TMC2: variants seen among roughly 807,000 people sequenced by gnomAD.
The protein encoded by TMC2 is transmembrane channel like 2.
TMC2 carries 102 observed loss-of-function variants against 105.9 expected under a neutral mutation model. That is an observed-to-expected ratio of 0.96 (90% CI 0.82 to 1.14). The LOEUF is 1.14. TMC2 is among the 50% of genes most tolerant of loss of function. TMC2 has a pLI of 0.00. For missense variants in TMC2, 1,093 were observed against 1,134.3 expected (o/e 0.96, Z 0.52); for synonymous variants, 402 against 422.8 (o/e 0.95, Z 0.60).
At chr20:2,561,044 G>A (rs1303750139) in intron 3 of TMC2, among the ~76,000 whole-genome samples, 1 of 152,178 alleles carries the variant, frequency 6.6e-6, no homozygotes, top group African/African-American at 2.4e-5. Flanking sequence ...CAGTGTGACT[G>A]AGCAACTGAA....
chr20:2,607,247 T>C (rs920563407), intron 11 of TMC2, among the ~76,000 whole-genome samples: 1 of 152,160 alleles, frequency 6.6e-6, no homozygotes, highest in Admixed American at 6.5e-5. Context: ...CCACTGTTTT[T>C]ATGAAGTCTT....
chr20:2,562,230 G>A (rs567750832), intron 4 of TMC2, among the ~76,000 whole-genome samples: 9 of 152,356 alleles, frequency 5.9e-5, no homozygotes, highest in African/African-American at 1.7e-4. Flanking sequence ...GAGGACTCCC[G>A]ACCTGTGCCC....
In TMC2 at chr20:2,539,202, C is replaced by A. The variant is rs907984288; in HGVS notation, c.82+1886C>A. Among the ~76,000 whole-genome samples, 3 of 152,290 alleles carry A rather than the reference C, an allele frequency of 2.0e-5. No individual in the cohort carries two copies. In the South Asian group the frequency reaches 6.2e-4, roughly 32 times the overall value. On this transcript the variant is annotated intron_variant, in intron 2 of 19. Coordinates refer to ENST00000358864, the MANE Select transcript of TMC2 (RefSeq NM_080751.3). The stretch of plus-strand genomic sequence containing the variant: ...GAGGCCTTCCTAGCAAGACAGCTGC[C>A]TTTCCAGTTCCTAAATTATGCATTA...
Position 2,610,426 on chromosome 20 carries a change from T to C in TMC2, c.1421T>C (p.Ile474Thr). 4 of 1,611,570 alleles carry C rather than the reference T, an allele frequency of 2.5e-6. No individual in the cohort carries two copies. The highest frequency in any genetic ancestry group is 3.4e-6 in the Non-Finnish European group (4 of 1,178,624). Residue 474 changes from isoleucine to threonine, a missense_variant, in exon 12 of 20, where the codon ATC becomes ACC. By Grantham distance (89) the Ile-to-Thr change is moderately conservative. Transcript: ENST00000358864. ...GCTTTCCTGATTCCTCAGGTAGAGATCGTGATGTCCCTGCTTGGAATGTTT... is the reference window on the plus strand; with the variant it reads ...GCTTTCCTGATTCCTCAGGTAGAGACCGTGATGTCCCTGCTTGGAATGTTT... ...VSWYERNEVE[I>T]VMSLLGMFCP...
intron 4 of TMC2, among the ~76,000 whole-genome samples, chr20:2,563,992 TA>T (rs1385349272): frequency 8.6e-5 from 13 of 152,038 alleles, no homozygotes; most frequent in African/African-American, 3.1e-4. Context: ...CTTCCCCAAG[TA>T]TTGTGATTAC....
intron 16 of TMC2, 49 bp downstream of exon 16, chr20:2,617,360 G>A (rs1201692075): frequency 1.2e-6 from 2 of 1,607,230 alleles, no homozygotes; most frequent in South Asian, 2.2e-5. Flanking sequence ...GAGGCAGTCT[G>A]CTCAGAGGGC....
At chr20:2,627,302 A>G (rs2086571593) in intron 17 of TMC2, among the ~76,000 whole-genome samples, 1 of 152,152 alleles carries the variant, frequency 6.6e-6, no homozygotes, top group Non-Finnish European at 1.5e-5. Flanking sequence ...CTTTTTCTCC[A>G]GTAGTACTGC....
chr20:2,550,132 G>A (rs1447043148), intron 2 of TMC2, among the ~76,000 whole-genome samples: 3 of 151,226 alleles, frequency 2.0e-5, no homozygotes, highest in Non-Finnish European at 4.4e-5. Context: ...GCAGTGAGCC[G>A]AGATCACACC....
intron 14 of TMC2, 58 bp downstream of exon 14, chr20:2,613,380 A>T: frequency 6.2e-7 from 1 of 1,607,624 alleles, no homozygotes. Context: ...CTTCTTTGAT[A>T]CTTATAGCCA....
chr20:2,608,585 C>A (rs1181546593), intron 11 of TMC2, among the ~76,000 whole-genome samples: 1 of 152,082 alleles, frequency 6.6e-6, no homozygotes, highest in Non-Finnish European at 1.5e-5. Context: ...GCCTCAGCCT[C>A]CCAAAGTGCT....
At chr20:2,581,843 T>C (rs1346214518) in intron 7 of TMC2, among the ~76,000 whole-genome samples, 1 of 152,238 alleles carries the variant, frequency 6.6e-6, no homozygotes, top group East Asian at 1.9e-4. Flanking sequence ...TGAGGGAACA[T>C]TTATTTTAAA....
chr20:2,643,501 T>C lies in TMC2; in HGVS notation c.*2150T>C, dbSNP rs190318925. ...AAGTGTAATTTTATGTGACGGAATGTATATGTCATCTAATGCTGCATAACA... is the reference window on the plus strand; with the variant it reads ...AAGTGTAATTTTATGTGACGGAATGCATATGTCATCTAATGCTGCATAACA... On this transcript the variant is annotated 3_prime_UTR_variant, in exon 20 of 20. Coordinates refer to ENST00000358864, the MANE Select transcript of TMC2 (RefSeq NM_080751.3). Among the ~76,000 whole-genome samples the C allele has an allele frequency of 6.6e-6, 1 of 152,366 alleles. No homozygotes were observed. Among genetic ancestry groups the C allele is most frequent in the African/African-American group, 2.4e-5 (1 of 41,588 alleles).
chr20:2,641,609 C>G lies in TMC2; in HGVS notation c.*258C>G, dbSNP rs563423801. 1.3e-5 allele frequency: 6 copies of G among 448,536 alleles called. No individual in the cohort carries two copies. The highest frequency in any genetic ancestry group is 3.9e-5 in the African/African-American group (2 of 51,316). The allele number at this position is 448,536 out of a possible 1,614,324, so 27.8% of individuals were successfully genotyped here. On this transcript the variant is annotated 3_prime_UTR_variant, in exon 20 of 20. Transcript: ENST00000358864. Reference sequence around the variant, plus strand: ...CCCAAATATCTTGGTTCAGACAGCTCTGAACCCCACGCTCACAGTGGTCGA... The same window carrying G: ...CCCAAATATCTTGGTTCAGACAGCTGTGAACCCCACGCTCACAGTGGTCGA...
chr20:2,579,137 T>C lies in TMC2; in HGVS notation c.646-9T>C. 6.6e-7 allele frequency: 1 copy of C among 1,523,588 alleles called. No homozygotes were observed. The allele number at this position is 1,523,588 out of a possible 1,614,324, so 94.4% of individuals were successfully genotyped here. A position where few individuals can be genotyped will look rare whatever the true frequency, so the allele number is the denominator to read the frequency against. ...TAAGGAACTGAGAGTTTTACGTCTTTTATTTCAGAAATGGGTCAAATTTAA... is the reference window on the plus strand; with the variant it reads ...TAAGGAACTGAGAGTTTTACGTCTTCTATTTCAGAAATGGGTCAAATTTAA... On this transcript the variant is annotated splice_polypyrimidine_tract_variant and intron_variant, in intron 5 of 19. Coordinates refer to ENST00000358864, the MANE Select transcript of TMC2 (RefSeq NM_080751.3).
chr20:2,591,269 G>A (rs2086265937), intron 7 of TMC2, among the ~76,000 whole-genome samples: 1 of 152,082 alleles, frequency 6.6e-6, no homozygotes, highest in Non-Finnish European at 1.5e-5. Flanking sequence ...AATACCTTAT[G>A]ACGTAGGAAA....
chr20:2,608,435 C>T (rs2086410899), intron 11 of TMC2, among the ~76,000 whole-genome samples: 1 of 151,866 alleles, frequency 6.6e-6, no homozygotes, highest in African/African-American at 2.4e-5. Context: ...TCAAGTGATT[C>T]TCTTGCCTCA....
intron 5 of TMC2, among the ~76,000 whole-genome samples, chr20:2,576,583 T>C (rs960307910): frequency 3.9e-5 from 6 of 152,176 alleles, no homozygotes; most frequent in African/African-American, 9.7e-5. Flanking sequence ...GGGATCCATC[T>C]CTCGAGGGAG....
intron 2 of TMC2, among the ~76,000 whole-genome samples, chr20:2,545,362 T>A (rs1427239310): frequency 6.6e-6 from 1 of 152,192 alleles, no homozygotes; most frequent in Non-Finnish European, 1.5e-5. Context: ...CCTTCTTCAA[T>A]GAAACGATCT....
At chr20:2,538,510 T>C (rs2085866873) in intron 2 of TMC2, among the ~76,000 whole-genome samples, 1 of 152,140 alleles carries the variant, frequency 6.6e-6, no homozygotes, top group African/African-American at 2.4e-5. Flanking sequence ...ATGCTCAGGC[T>C]GGTTCTCCAC....
Sources: allele counts gnomAD v4.1 joint callset (sites outside exome capture counted in the v4.1 genomes callset), GRCh38; gene constraint gnomAD v4.1.1; transcripts MANE v1.5; gene names NCBI Gene and HGNC (gene_info 2026-07-23, HGNC 2026-07-21).